Variants in KCNIP1 observed in about 807,000 individuals in gnomAD.
The protein encoded by KCNIP1 is A-type potassium channel modulatory protein KCNIP1.
KCNIP1 carries 18 observed loss-of-function variants against 33.0 expected under a neutral mutation model. The observed-to-expected ratio is 0.55, with a 90% CI of 0.38 to 0.81. The LOEUF (loss-of-function observed/expected upper bound fraction) is 0.81. KCNIP1 is among the 30% of genes least tolerant of loss of function. The pLI, the probability that KCNIP1 is intolerant of heterozygous loss-of-function variation, is 0.00. For synonymous variants in KCNIP1, 93 were observed against 98.3 expected, an observed-to-expected ratio of 0.95 and a Z score of 0.32; for missense variants, 238 against 271.6, an observed-to-expected ratio of 0.88 and a Z score of 0.87.
At chr5:170,706,876 C>G (rs1481076134) in intron 1 of KCNIP1, among the ~76,000 whole-genome samples, 2 of 152,070 alleles carry the variant, frequency 1.3e-5, no homozygotes, top group African/African-American at 2.4e-5. Flanking sequence ...TCTTATATCC[C>G]GCAGAAATAT....
intron 1 of KCNIP1, among the ~76,000 whole-genome samples, chr5:170,587,063 C>T (rs80234530): frequency 0.079 from 12,031 of 152,174 alleles, 564 homozygotes; most frequent in South Asian, 0.11. Flanking sequence ...TGGGATGGAC[C>T]GGGCAGGGTG....
intron 1 of KCNIP1, among the ~76,000 whole-genome samples, chr5:170,355,537 T>C (rs1323748456): frequency 6.6e-6 from 1 of 152,116 alleles, no homozygotes; most frequent in African/African-American, 2.4e-5. Flanking sequence ...GCTCCCTGGA[T>C]GCCACACTGA....
intron 1 of KCNIP1, among the ~76,000 whole-genome samples, chr5:170,659,696 T>A (rs1429644371): frequency 6.6e-6 from 1 of 152,242 alleles, no homozygotes; most frequent in Non-Finnish European, 1.5e-5. Flanking sequence ...GCTTTTTATC[T>A]GGAACCAGGC....
intron 1 of KCNIP1, among the ~76,000 whole-genome samples, chr5:170,705,098 T>C (rs901106606): frequency 6.6e-6 from 1 of 152,246 alleles, no homozygotes; most frequent in African/African-American, 2.4e-5. Flanking sequence ...GCCATAAAGT[T>C]GCACATAAAA....
rs183018864 is a variant in KCNIP1, at chr5:170,446,108, G to A, written c.88+92144G>A. Among the ~76,000 whole-genome samples the A allele has an allele frequency of 7.2e-5, 11 of 152,268 alleles. No individual in the cohort carries two copies. The South Asian group carries it at 1.9e-3, about 26-fold the overall frequency. On this transcript the variant is annotated intron_variant, in intron 1 of 7. Transcript: ENST00000377360. ...AGCACTCTCTAAGCAGTAGCTGGCC[G>A]ATACAGTCGCCCAGGAAGTCTCCCT...
intron 1 of KCNIP1, among the ~76,000 whole-genome samples, chr5:170,419,555 G>A (rs1036264447): frequency 6.6e-6 from 1 of 152,196 alleles, no homozygotes; most frequent in Admixed American, 6.5e-5. Flanking sequence ...CAGAAATTAT[G>A]TGAAATTATA....
intron 1 of KCNIP1, among the ~76,000 whole-genome samples, chr5:170,564,911 A>G (rs1378224185): frequency 6.6e-6 from 1 of 152,004 alleles, no homozygotes; most frequent in Non-Finnish European, 1.5e-5. Flanking sequence ...ACTGAGGCTC[A>G]GTGAGACTGA....
At chr5:170,639,425 G>A (rs568613751) in intron 1 of KCNIP1, 1 of 152,330 alleles carries the variant, frequency 6.6e-6, no homozygotes, top group Admixed American at 6.5e-5. Flanking sequence ...GAGTGAAATG[G>A]ACATACCTCC....
chr5:170,694,775 A>G (rs1762836537), intron 1 of KCNIP1, among the ~76,000 whole-genome samples: 2 of 152,208 alleles, frequency 1.3e-5, no homozygotes, highest in South Asian at 4.2e-4. Flanking sequence ...TGTGACCATA[A>G]CATGGCATTG....
chr5:170,398,913 AC>A (rs1412530843), intron 1 of KCNIP1, among the ~76,000 whole-genome samples: 2 of 152,206 alleles, frequency 1.3e-5, no homozygotes, highest in African/African-American at 2.4e-5. Context: ...CCTGATCCAG[AC>A]ACCTAGAGTG....
At chr5:170,650,526 T>C (rs1472190600) in intron 1 of KCNIP1, among the ~76,000 whole-genome samples, 1 of 152,242 alleles carries the variant, frequency 6.6e-6, no homozygotes, top group African/African-American at 2.4e-5. Flanking sequence ...CTAAGTAGTA[T>C]TGTAGTATTT....
At chr5:170,517,370 A>G (rs1755163351) in intron 1 of KCNIP1, among the ~76,000 whole-genome samples, 1 of 152,192 alleles carries the variant, frequency 6.6e-6, no homozygotes, top group Non-Finnish European at 1.5e-5. Flanking sequence ...ATTATTAACT[A>G]CAGTTCAACA....
intron 1 of KCNIP1, among the ~76,000 whole-genome samples, chr5:170,425,965 G>A (rs2113438003): frequency 6.6e-6 from 1 of 152,338 alleles, no homozygotes; most frequent in Admixed American, 6.5e-5. Flanking sequence ...GCATGCTCTA[G>A]GACTCAGGCA....
intron 1 of KCNIP1, among the ~76,000 whole-genome samples, chr5:170,423,440 C>A (rs1755540941): frequency 6.6e-6 from 1 of 152,160 alleles, no homozygotes; most frequent in Non-Finnish European, 1.5e-5. Flanking sequence ...CCATTTGTCT[C>A]CCCAAGGGAA....
At chr5:170,541,469 C>G (rs913529258) in intron 1 of KCNIP1, among the ~76,000 whole-genome samples, 1 of 152,218 alleles carries the variant, frequency 6.6e-6, no homozygotes, top group African/African-American at 2.4e-5. Flanking sequence ...ATTTATCTTT[C>G]TCAGCTGAAT....
intron 1 of KCNIP1, among the ~76,000 whole-genome samples, chr5:170,702,314 C>A (rs1763124858): frequency 6.6e-6 from 1 of 152,168 alleles, no homozygotes; most frequent in African/African-American, 2.4e-5. Flanking sequence ...GCTGGGAATC[C>A]AGTGTGCGGC....
At chr5:170,564,687 G>A (rs1162929714) in intron 1 of KCNIP1, among the ~76,000 whole-genome samples, 1 of 152,200 alleles carries the variant, frequency 6.6e-6, no homozygotes, top group African/African-American at 2.4e-5. Flanking sequence ...GGAGGTGGGA[G>A]ATTCTTGTCC....
chr5:170,632,590 G>A (rs985249008), intron 1 of KCNIP1, among the ~76,000 whole-genome samples: 3 of 152,232 alleles, frequency 2.0e-5, no homozygotes, highest in Admixed American at 6.5e-5. Flanking sequence ...CATTCTTACC[G>A]CCAGGGATGT....
At chr5:170,401,281 G>A (rs1292960367) in intron 1 of KCNIP1, among the ~76,000 whole-genome samples, 1 of 152,182 alleles carries the variant, frequency 6.6e-6, no homozygotes, top group Non-Finnish European at 1.5e-5. Flanking sequence ...TAATGAAAAT[G>A]TATGTCTGTA....
Sources: allele counts gnomAD v4.1 joint callset (sites outside exome capture counted in the v4.1 genomes callset), GRCh38; gene constraint gnomAD v4.1.1; transcripts MANE v1.5; gene names NCBI Gene and HGNC (gene_info 2026-07-23, HGNC 2026-07-21).